Variants in TBC1D32 observed in about 807,000 individuals in gnomAD.
TBC1D32 encodes TBC1 domain family member 32, also known as protein broad-minded.
In TBC1D32, 151 loss-of-function variants were observed where a neutral mutation model predicts 170.3. The observed-to-expected ratio is 0.89, with a 90% CI of 0.78 to 1.01. The LOEUF is 1.01. TBC1D32 is among the 50% of genes least tolerant of loss of function. The probability of loss-of-function intolerance (pLI) is 0.00; values close to 1 mark genes in which losing one functional copy is unlikely to be tolerated. For missense variants in TBC1D32, 1,464 were observed against 1,457.1 expected (o/e 1.00, Z -0.08); for synonymous variants, 498 against 488.0 (o/e 1.02, Z -0.27).
chr6:121,258,841 T>A (rs1194850926), intron 15 of TBC1D32, among the ~76,000 whole-genome samples: 6 of 152,114 alleles, frequency 3.9e-5, no homozygotes, highest in Admixed American at 3.9e-4. Context: ...TATTGAACAT[T>A]TGAGATGATT....
At chr6:121,128,810 T>C (rs1049037993) in intron 25 of TBC1D32, among the ~76,000 whole-genome samples, 1 of 152,206 alleles carries the variant, frequency 6.6e-6, no homozygotes, top group Non-Finnish European at 1.5e-5. Context: ...CCATCTGCTA[T>C]GGTCTGAAGG....
At chr6:121,102,785 C>A (rs369594562) in intron 30 of TBC1D32, among the ~76,000 whole-genome samples, 2,080 of 152,162 alleles carry the variant, frequency 0.014, 30 homozygotes, top group South Asian at 0.05. Flanking sequence ...AAGAAACTAC[C>A]ATCAGAGTGA....
At chr6:121,237,745 T>A (rs1796498861) in intron 20 of TBC1D32, among the ~76,000 whole-genome samples, 1 of 152,064 alleles carries the variant, frequency 6.6e-6, no homozygotes, top group African/African-American at 2.4e-5. Flanking sequence ...CTAATTTTTT[T>A]ATTCATTATA....
chr6:121,275,318 A>T (rs1802070402), intron 15 of TBC1D32, among the ~76,000 whole-genome samples: 1 of 152,244 alleles, frequency 6.6e-6, no homozygotes. Context: ...TTGTCTCTAG[A>T]GAGCAAGAAA....
At chr6:121,150,279 T>C (rs1784048213) in intron 24 of TBC1D32, among the ~76,000 whole-genome samples, 1 of 152,228 alleles carries the variant, frequency 6.6e-6, no homozygotes, top group Non-Finnish European at 1.5e-5. Flanking sequence ...AATGTTTTTG[T>C]CTGTTCTGTT....
chr6:121,093,442 C>G (rs1253449070), intron 30 of TBC1D32, among the ~76,000 whole-genome samples: 1 of 152,096 alleles, frequency 6.6e-6, no homozygotes, highest in Non-Finnish European at 1.5e-5. Flanking sequence ...CAACTTAAGG[C>G]CATACTGTGT....
intron 24 of TBC1D32, among the ~76,000 whole-genome samples, chr6:121,134,261 T>TCC (rs1358908579): frequency 6.6e-6 from 1 of 152,164 alleles, no homozygotes; most frequent in Non-Finnish European, 1.5e-5. Flanking sequence ...TGTTACTACC[T>TCC]CCTTCAGAGG....
intron 22 of TBC1D32, among the ~76,000 whole-genome samples, chr6:121,204,210 G>A (rs933596620): frequency 6.0e-5 from 9 of 151,132 alleles, no homozygotes; most frequent in African/African-American, 2.0e-4. Flanking sequence ...TAAAGGGCAC[G>A]CCACCCAAAG....
chr6:121,255,990 G>A, intron 16 of TBC1D32, 94 bp downstream of exon 16: 1 of 1,109,170 alleles, frequency 9.0e-7, no homozygotes, highest in Non-Finnish European at 1.3e-6. Context: ...ATTTGCCCCA[G>A]TTAAATATTT....
At position 121,270,535 on chromosome 6, in the gene TBC1D32, C is replaced by T. The variant is rs149825745; in HGVS notation, c.1733+8586G>A. Among the ~76,000 whole-genome samples the T allele has an allele frequency of 5.6e-3, 849 of 152,264 alleles. 8 individuals are homozygous for T. The highest frequency in any genetic ancestry group is 6.0e-3 in the Non-Finnish European group (409 of 68,018). On this transcript the variant is annotated intron_variant, in intron 15 of 31. Coordinates refer to ENST00000398212, the MANE Select transcript of TBC1D32 (RefSeq NM_152730.6). Reference sequence around the variant, plus strand: ...GAAGAAATGGATAAATTCATGGACACATACACCCTCCCAAGACTAAACCAA... The same window carrying T: ...GAAGAAATGGATAAATTCATGGACATATACACCCTCCCAAGACTAAACCAA...
At chr6:121,106,284 ATGG>A (rs567997610) in intron 29 of TBC1D32, 121 bp from the exon 30 acceptor site, 52 of 455,226 alleles carry the variant, frequency 1.1e-4, no homozygotes, top group Non-Finnish European at 1.5e-4. Flanking sequence ...CAAAATTAAT[ATGG>A]TGGCATAACA....
intron 20 of TBC1D32, among the ~76,000 whole-genome samples, chr6:121,232,029 T>A (rs1795807602): frequency 6.6e-6 from 1 of 152,186 alleles, no homozygotes; most frequent in South Asian, 2.1e-4. Flanking sequence ...TTTTCTGATG[T>A]TATCTTCTGG....
intron 22 of TBC1D32, among the ~76,000 whole-genome samples, chr6:121,194,378 C>G (rs541562659): frequency 6.6e-6 from 1 of 152,174 alleles, no homozygotes; most frequent in Non-Finnish European, 1.5e-5. Context: ...AAATCAAAAA[C>G]AGTATCACAT....
chr6:121,171,405 A>T (rs1384811335), intron 22 of TBC1D32, among the ~76,000 whole-genome samples: 1 of 151,844 alleles, frequency 6.6e-6, no homozygotes, highest in Non-Finnish European at 1.5e-5. Context: ...TTTTTAAATC[A>T]CACAGGAAAA....
At chr6:121,292,295 TG>T in intron 11 of TBC1D32, 102 bp from the exon 12 acceptor site, 2 of 1,254,894 alleles carry the variant, frequency 1.6e-6, no homozygotes, top group Non-Finnish European at 2.2e-6. Flanking sequence ...CAGGCTAGAA[TG>T]GAGACATTAC....
intron 10 of TBC1D32, 42 bp from the exon 11 acceptor site, chr6:121,294,702 C>A (rs774247932): frequency 6.9e-7 from 1 of 1,440,180 alleles, no homozygotes; most frequent in Non-Finnish European, 9.7e-7. Context: ...CTTTGCAGCC[C>A]TCAAGTCCAA....
intron 15 of TBC1D32, among the ~76,000 whole-genome samples, chr6:121,271,269 C>T (rs539912148): frequency 1.3e-5 from 2 of 152,220 alleles, no homozygotes; most frequent in South Asian, 2.1e-4. Context: ...CCAGGGCAAT[C>T]AGGCAGGAGA....
chr6:121,296,506 G>A (rs1480474894), intron 10 of TBC1D32, among the ~76,000 whole-genome samples: 1 of 152,082 alleles, frequency 6.6e-6, no homozygotes, highest in African/African-American at 2.4e-5. Context: ...GCCTCCTACT[G>A]TGTTACTTAT....
intron 21 of TBC1D32, among the ~76,000 whole-genome samples, chr6:121,208,882 C>G (rs1173240699): frequency 1.3e-5 from 2 of 152,056 alleles, no homozygotes; most frequent in Non-Finnish European, 2.9e-5. Flanking sequence ...CCCAGTTACC[C>G]GGTTTGTGGT....
Sources: gnomAD v4.1 joint callset for allele counts (sites outside exome capture counted in the v4.1 genomes callset) on GRCh38, gnomAD v4.1.1 for gene constraint, MANE v1.5 for transcripts, NCBI Gene and HGNC (gene_info 2026-07-23, HGNC 2026-07-21) for gene names.